TACC1: variants seen among roughly 807,000 people sequenced by gnomAD.
The protein encoded by TACC1 is transforming acidic coiled-coil containing protein 1.
Under a neutral mutation model 84.4 loss-of-function variants are expected in TACC1, and 48 were observed. The observed-to-expected ratio is 0.57, with a 90% CI of 0.45 to 0.72. The LOEUF (loss-of-function observed/expected upper bound fraction) is 0.72. Ranked by LOEUF, TACC1 falls within the 30% of genes least tolerant of loss-of-function variation. TACC1 has a pLI of 0.00. For missense variants in TACC1, 920 were observed against 973.0 expected (o/e 0.95, Z 0.72); for synonymous variants, 372 against 376.3 (o/e 0.99, Z 0.13).
At chr8:38,751,375 T>C (rs1262554320) in intron 3 of TACC1, among the ~76,000 whole-genome samples, 1 of 152,246 alleles carries the variant, frequency 6.6e-6, no homozygotes, top group African/African-American at 2.4e-5. Flanking sequence ...ACTGGAGCTA[T>C]CTTACCCAGG....
intron 1 of TACC1, among the ~76,000 whole-genome samples, chr8:38,740,983 T>C (rs1806953710): frequency 6.6e-6 from 1 of 152,190 alleles, no homozygotes; most frequent in African/African-American, 2.4e-5. Flanking sequence ...CTAAAGTCAC[T>C]ATATGGCCTC....
chr8:38,790,657 G>A (rs996476959), intron 2 of TACC1, among the ~76,000 whole-genome samples: 6 of 152,178 alleles, frequency 3.9e-5, no homozygotes, highest in Admixed American at 2.0e-4. Context: ...TTCTTCGTAG[G>A]TTGCCTAGGG....
At position 38,842,411 on chromosome 8, in the gene TACC1, T is replaced by A; in HGVS notation, c.2085T>A (p.Tyr695Ter). The A allele has an allele frequency of 6.2e-7, 1 of 1,613,260 alleles. No homozygotes were observed. Among genetic ancestry groups the A allele is most frequent in the Non-Finnish European group, 8.5e-7 (1 of 1,179,428 alleles). The change falls in exon 10 of 13, where the codon TAT becomes TAA. Residue 695 changes from tyrosine to a stop codon, truncating the protein, a stop_gained. Coordinates refer to ENST00000317827, the MANE Select transcript of TACC1 (RefSeq NM_006283.3). LOFTEE classifies it high-confidence loss of function. ...CCCTTTCTGATCTCTTCAGGAGATA[T>A]GAGAACCTGAAAGGTGTTCTGGAAG... ...ERSLSDLFRR[Y>*]ENLKGVLEGF...
intron 6 of TACC1, among the ~76,000 whole-genome samples, chr8:38,831,497 G>A (rs1013057659): frequency 1.3e-5 from 2 of 151,808 alleles, no homozygotes; most frequent in African/African-American, 4.8e-5. Context: ...TATTATTGTT[G>A]TTATTATTAT....
At chr8:38,764,778 C>A (rs1410848546) in intron 3 of TACC1, among the ~76,000 whole-genome samples, 1 of 151,950 alleles carries the variant, frequency 6.6e-6, no homozygotes, top group African/African-American at 2.4e-5. Flanking sequence ...ACCAGCCTGG[C>A]CAACAACTTT....
rs748551203 is a variant in TACC1, at chr8:38,840,249, A to G, written c.1942A>G (p.Thr648Ala). 6.2e-7 allele frequency: 1 copy of G among 1,612,846 alleles called. No homozygotes were observed. The highest frequency in any genetic ancestry group is 1.7e-5 in the Admixed American group (1 of 59,834). ...GAAAATTGTAGCTGAATATGAAAAGACTATTGCTCAAATGATTGGTAAGGA... is the reference window on the plus strand; with the variant it reads ...GAAAATTGTAGCTGAATATGAAAAGGCTATTGCTCAAATGATTGGTAAGGA... Reference protein sequence around the residue: ...MRKIVAEYEKTIAQMIEDEQR... With the variant: ...MRKIVAEYEKAIAQMIEDEQR... The change falls in exon 9 of 13, where the codon ACT becomes GCT. Residue 648 changes from threonine to alanine, a missense_variant. Physicochemically the swap from Thr to Ala is moderately conservative, Grantham distance 58. Coordinates refer to ENST00000317827, the MANE Select transcript of TACC1 (RefSeq NM_006283.3).
chr8:38,776,623 G>A (rs1814844486), intron 3 of TACC1, among the ~76,000 whole-genome samples: 1 of 152,202 alleles, frequency 6.6e-6, no homozygotes, highest in African/African-American at 2.4e-5. Context: ...ATGAAACAAA[G>A]TTTTGACTGT....
In TACC1 at chr8:38,846,717, T is replaced by C. The variant is rs1366845221; in HGVS notation, c.2247T>C (p.Ala749=). 3 of 1,614,144 alleles carry C rather than the reference T, an allele frequency of 1.9e-6. No individual in the cohort carries two copies. The highest frequency in any genetic ancestry group is 2.5e-6 in the Non-Finnish European group (3 of 1,180,018). ...EKLDKANEEI[A]QVRTKAKAES... ...TAAACAGAGCCAATGAAGAGATTGC[T>C]CAGGTTCGAACAAAAGCAAAGGCTG... Residue 749 remains alanine, a synonymous_variant, in exon 12 of 13, where the codon GCT becomes GCC. Transcript: ENST00000317827.
chr8:38,787,087 A>AG (rs1359734648), upstream of TACC1: 1 of 959,544 alleles, frequency 1.0e-6, no homozygotes, highest in Non-Finnish European at 1.2e-6. Context: ...ACGCCGCGGT[A>AG]GGGGGATCCG....
exon 3 of TACC1, chr8:38,745,390 CA>C: frequency 3.2e-6 from 2 of 620,976 alleles, no homozygotes; most frequent in South Asian, 3.7e-5. Flanking sequence ...GATTGAAACC[CA>C]AATTATGGGA....
chr8:38,832,034 T>A (rs764346716), intron 6 of TACC1, among the ~76,000 whole-genome samples: 3 of 152,204 alleles, frequency 2.0e-5, no homozygotes, highest in Non-Finnish European at 4.4e-5. Flanking sequence ...CTCAAACTCC[T>A]GACCTCAGGT....
chr8:38,846,752 C>T lies in TACC1; in HGVS notation c.2282C>T (p.Ala761Val). 6.2e-7 allele frequency: 1 copy of T among 1,614,174 alleles called. No homozygotes were observed. ...VRTKAKAESA[A>V]LHAGLRKEQM... The stretch of plus-strand genomic sequence containing the variant: ...ACAAAAGCAAAGGCTGAGAGTGCAG[C>T]TCTCCATGCTGGACTCCGCAAAGAG... Residue 761 changes from alanine to valine, a missense_variant, in exon 12 of 13, where the codon GCT becomes GTT. Coordinates refer to ENST00000317827, the MANE Select transcript of TACC1 (RefSeq NM_006283.3).
Position 38,812,941 on chromosome 8 carries a change from G to C in TACC1, c.278-6581G>C, listed in dbSNP as rs572592088. ...GTTGAATGACTGAGTGAACATGTGAGTGAAATGGAGGGGTGAACCATTCCT... is the reference window on the plus strand; with the variant it reads ...GTTGAATGACTGAGTGAACATGTGACTGAAATGGAGGGGTGAACCATTCCT... On this transcript the variant is annotated intron_variant, in intron 2 of 12. Coordinates refer to ENST00000317827, the MANE Select transcript of TACC1 (RefSeq NM_006283.3). Among the ~76,000 whole-genome samples, 25 of 152,330 alleles carry C rather than the reference G, an allele frequency of 1.6e-4. No individual in the cohort carries two copies. In the East Asian group the frequency reaches 2.1e-3, roughly 13 times the overall value.
intron 11 of TACC1, among the ~76,000 whole-genome samples, chr8:38,843,743 A>G (rs1272226418): frequency 2.0e-5 from 3 of 152,224 alleles, no homozygotes. Flanking sequence ...CAGTGCAAGA[A>G]GAGCTTCCTC....
Position 38,787,348 on chromosome 8 carries a change from G to C in TACC1, c.-235G>C. On this transcript the variant is annotated 5_prime_UTR_variant, in exon 1 of 13. Coordinates refer to ENST00000317827, the MANE Select transcript of TACC1 (RefSeq NM_006283.3). ...CTTCCCGGCTAGTGGAGCCCGGCGC[G>C]GGGCCCGCTGCGGCCGCACCGTGAG... The C allele has an allele frequency of 3.1e-6, 4 of 1,301,112 alleles. No individual in the cohort carries two copies. The highest frequency in any genetic ancestry group is 2.9e-6 in the Non-Finnish European group (3 of 1,028,028). The allele number at this position is 1,301,112 out of a possible 1,614,324, so 80.6% of individuals were successfully genotyped here. A position where few individuals can be genotyped will look rare whatever the true frequency, so the allele number is the denominator to read the frequency against.
In TACC1 at chr8:38,842,291, T is replaced by A; in HGVS notation, c.1965T>A (p.Asp655Glu). The A allele has an allele frequency of 6.2e-7, 1 of 1,606,090 alleles. No individual in the cohort carries two copies. Among genetic ancestry groups the A allele is most frequent in the Non-Finnish European group, 8.5e-7 (1 of 1,178,038 alleles). ...CTTTTGACTTGTGATTCCCAGAAGA[T>A]GAACAAAGGACAAGTATGACCTCTC... Reference protein sequence around the residue: ...YEKTIAQMIEDEQRTSMTSQK... With the variant: ...YEKTIAQMIEEEQRTSMTSQK... Residue 655 changes from aspartate to glutamate, a missense_variant, in exon 10 of 13, where the codon GAT becomes GAA. By Grantham distance (45) the Asp-to-Glu change is conservative. Coordinates refer to ENST00000317827, the MANE Select transcript of TACC1 (RefSeq NM_006283.3).
intron 3 of TACC1, among the ~76,000 whole-genome samples, chr8:38,774,549 G>A (rs1330203670): frequency 6.6e-6 from 1 of 151,940 alleles, no homozygotes; most frequent in Non-Finnish European, 1.5e-5. Context: ...CTGAAGTGCA[G>A]TGGTAGCATC....
At chr8:38,789,587 G>A (rs912082502) in intron 2 of TACC1, among the ~76,000 whole-genome samples, 5 of 152,236 alleles carry the variant, frequency 3.3e-5, no homozygotes, top group Admixed American at 3.3e-4. Flanking sequence ...GAAAAATAAA[G>A]CAGGGGAAGA....
intron 3 of TACC1, among the ~76,000 whole-genome samples, chr8:38,777,204 C>T (rs1814978296): frequency 6.6e-6 from 1 of 150,524 alleles, no homozygotes; most frequent in Admixed American, 6.6e-5. Context: ...TGCAGTGAGC[C>T]GAGATCACGC....
Sources: gnomAD v4.1 joint callset for allele counts (sites outside exome capture counted in the v4.1 genomes callset) on GRCh38, gnomAD v4.1.1 for gene constraint, MANE v1.5 for transcripts, NCBI Gene and HGNC (gene_info 2026-07-23, HGNC 2026-07-21) for gene names.